Variants in UBXN2A observed in about 807,000 individuals in gnomAD.
UBXN2A encodes UBX domain-containing protein 2A.
A neutral mutation model predicts 28.4 loss-of-function variants in UBXN2A; 28 were observed. That is an observed-to-expected ratio of 0.99 (90% CI 0.73 to 1.35). The LOEUF (loss-of-function observed/expected upper bound fraction) is 1.35. UBXN2A is among the 40% of genes most tolerant of loss of function. The pLI is 0.00. For missense variants in UBXN2A, 253 were observed against 297.9 expected (o/e 0.85, Z 1.11); for synonymous variants, 97 against 103.6 (o/e 0.94, Z 0.39).
chr2:23,936,342 C>G (rs1274687561), upstream of UBXN2A, among the ~76,000 whole-genome samples: 2 of 151,558 alleles, frequency 1.3e-5, no homozygotes, highest in Non-Finnish European at 2.9e-5. Flanking sequence ...GTGAAATAAG[C>G]CGGACAAAAA....
At chr2:23,963,243 G>A (rs1444514532) in intron 2 of UBXN2A, among the ~76,000 whole-genome samples, 3 of 152,026 alleles carry the variant, frequency 2.0e-5, no homozygotes, top group African/African-American at 7.2e-5. Context: ...AACGCCGGGC[G>A]CAGTGGCTCA....
At chr2:23,966,979 C>T (rs1707208695) in intron 2 of UBXN2A, among the ~76,000 whole-genome samples, 1 of 151,624 alleles carries the variant, frequency 6.6e-6, no homozygotes, top group Admixed American at 6.6e-5. Flanking sequence ...GGCTGGTCTC[C>T]AATCCTGGGC....
At chr2:23,988,304 G>A (rs570996080) in intron 6 of UBXN2A, among the ~76,000 whole-genome samples, 35 of 152,110 alleles carry the variant, frequency 2.3e-4, no homozygotes, top group Admixed American at 5.9e-4. Context: ...CGCTTGTATC[G>A]ACTAATAGAC....
chr2:23,945,533 A>G (rs1706027248), intron 1 of UBXN2A, among the ~76,000 whole-genome samples: 1 of 152,178 alleles, frequency 6.6e-6, no homozygotes. Flanking sequence ...TCTAAGTAAA[A>G]GGAACCCAAC....
At chr2:23,989,018 A>G (rs144806245) in intron 6 of UBXN2A, among the ~76,000 whole-genome samples, 3 of 152,246 alleles carry the variant, frequency 2.0e-5, no homozygotes, top group Non-Finnish European at 2.9e-5. Flanking sequence ...GGTATTGACA[A>G]TCCAGGATCT....
At chr2:23,955,802 G>A (rs1423690914) in intron 1 of UBXN2A, among the ~76,000 whole-genome samples, 1 of 152,204 alleles carries the variant, frequency 6.6e-6, no homozygotes, top group Admixed American at 6.5e-5. Flanking sequence ...TGTATATGCA[G>A]TCCGTCATTG....
At chr2:23,987,897 G>T (rs936354710) in intron 6 of UBXN2A, among the ~76,000 whole-genome samples, 1 of 151,960 alleles carries the variant, frequency 6.6e-6, no homozygotes. Context: ...ACCGAGGCAG[G>T]CAGATCACAA....
chr2:23,959,630 A>G (rs1261770107), intron 2 of UBXN2A, among the ~76,000 whole-genome samples: 1 of 152,238 alleles, frequency 6.6e-6, no homozygotes, highest in African/African-American at 2.4e-5. Context: ...AATTTATTAC[A>G]GTGAAGGGTT....
intron 2 of UBXN2A, among the ~76,000 whole-genome samples, chr2:23,967,698 C>T (rs1025212704): frequency 6.6e-6 from 1 of 152,060 alleles, no homozygotes; most frequent in East Asian, 1.9e-4. Flanking sequence ...TGTGACTATG[C>T]TGATTAAAGG....
At chr2:23,976,362 T>G (rs1423741424) in intron 3 of UBXN2A, among the ~76,000 whole-genome samples, 6 of 152,208 alleles carry the variant, frequency 3.9e-5, no homozygotes. Context: ...TCCTGATTAC[T>G]CAATTCTGTG....
intron 2 of UBXN2A, among the ~76,000 whole-genome samples, chr2:23,966,044 A>G (rs1017130718): frequency 3.3e-5 from 5 of 151,934 alleles, no homozygotes; most frequent in Non-Finnish European, 7.4e-5. Flanking sequence ...GTGCCTATAC[A>G]CTCATCAAAA....
intron 1 of UBXN2A, among the ~76,000 whole-genome samples, chr2:23,948,258 T>TTC (rs1266206281): frequency 1.3e-5 from 2 of 149,382 alleles, no homozygotes; most frequent in African/African-American, 2.4e-5. Flanking sequence ...CTTTTTCTTT[T>TTC]TTTTTTTTTT....
chr2:23,968,398 C>T (rs918558329), intron 2 of UBXN2A, among the ~76,000 whole-genome samples: 7 of 152,044 alleles, frequency 4.6e-5, no homozygotes, highest in East Asian at 1.9e-4. Flanking sequence ...CTAACTTTGC[C>T]GGGCGTGGTG....
intron 2 of UBXN2A, among the ~76,000 whole-genome samples, chr2:23,967,846 A>AAT (rs1707238963): frequency 6.6e-6 from 1 of 152,150 alleles, no homozygotes; most frequent in African/African-American, 2.4e-5. Flanking sequence ...ATACGAGAGG[A>AAT]CTACCTAGGG....
In UBXN2A at chr2:23,971,436, T is replaced by C. The variant is rs752429294; in HGVS notation, c.180+22T>C. ...ACAGGTAAATAAATGTCTATTACTT[T>C]TCTTTTTCTTTCAGTGTTTCTCAAT... On this transcript the variant is annotated intron_variant, in intron 3 of 6. Coordinates refer to ENST00000309033, the MANE Select transcript of UBXN2A (RefSeq NM_181713.4). 1.9e-5 allele frequency: 28 copies of C among 1,507,088 alleles called. No individual in the cohort carries two copies. The East Asian group carries it at 6.2e-4, about 33-fold the overall frequency. 93.4% of individuals were successfully genotyped at this position (1,507,088 alleles called of 1,614,324 possible).
intron 6 of UBXN2A, among the ~76,000 whole-genome samples, chr2:23,988,743 CAGAT>C (rs1317831234): frequency 6.6e-6 from 1 of 151,742 alleles, no homozygotes; most frequent in Non-Finnish European, 1.5e-5. Flanking sequence ...CACAAGACCT[CAGAT>C]TGATTGATTG....
chr2:23,937,502 T>G (rs917867578), upstream of UBXN2A, among the ~76,000 whole-genome samples: 3 of 152,176 alleles, frequency 2.0e-5, no homozygotes, highest in Non-Finnish European at 4.4e-5. Context: ...CTGGGCAATG[T>G]ACGGAGACCC....
intron 6 of UBXN2A, among the ~76,000 whole-genome samples, chr2:23,987,298 C>T (rs999119058): frequency 6.6e-6 from 1 of 151,806 alleles, no homozygotes; most frequent in African/African-American, 2.4e-5. Context: ...ATCAGTATAC[C>T]TTATGTGTCT....
rs574211618 is a variant in UBXN2A at position 23,934,228 on chromosome 2, T to A, written c.-137-5312T>A. Among the ~76,000 whole-genome samples the A allele has an allele frequency of 2.0e-3, 305 of 151,248 alleles. 8 individuals carry two copies. In the East Asian group the frequency reaches 0.051, roughly 25 times the overall value. ...TCTGTGTTAAAATAAAAAAAAAAAA[T>A]TGTTGACATTAGAATTGTGCACTGT... On this transcript the variant is annotated intron_variant, in intron 1 of 7. Transcript: ENST00000404924.
Sources: allele counts gnomAD v4.1 joint callset (sites outside exome capture counted in the v4.1 genomes callset), GRCh38; gene constraint gnomAD v4.1.1; transcripts MANE v1.5; gene names NCBI Gene and HGNC (gene_info 2026-07-23, HGNC 2026-07-21).